SLCO4C1: variants seen among roughly 807,000 people sequenced by gnomAD.
The protein encoded by SLCO4C1 is organic anion transporter M1.
Under a neutral mutation model 72.1 loss-of-function variants are expected in SLCO4C1, and 58 were observed. The ratio of observed to expected loss-of-function variants is 0.80; its 90% CI spans 0.65 to 1.00. The LOEUF (loss-of-function observed/expected upper bound fraction) is 1.00. Among genes scored for constraint, SLCO4C1 ranks in the 50% least tolerant of loss-of-function variants. The pLI is 0.00. For synonymous variants in SLCO4C1, 297 were observed against 312.5 expected, an observed-to-expected ratio of 0.95 and a Z score of 0.52; for missense variants, 898 against 857.9, an observed-to-expected ratio of 1.05 and a Z score of -0.58.
chr5:102,258,646 A>G (rs114087496), intron 6 of SLCO4C1, among the ~76,000 whole-genome samples: 1,686 of 152,240 alleles, frequency 0.011, 16 homozygotes, highest in Non-Finnish European at 0.019. Flanking sequence ...AGAGGGTAGT[A>G]TGGAGGTTAA....
intron 5 of SLCO4C1, among the ~76,000 whole-genome samples, chr5:102,261,544 A>G (rs1748944319): frequency 6.6e-6 from 1 of 152,160 alleles, no homozygotes; most frequent in South Asian, 2.1e-4. Flanking sequence ...ACAAATAATT[A>G]ACATGAATGA....
At chr5:102,282,367 C>T (rs952018233) in intron 2 of SLCO4C1, among the ~76,000 whole-genome samples, 7 of 151,990 alleles carry the variant, frequency 4.6e-5, no homozygotes, top group African/African-American at 1.7e-4. Context: ...AAAAACAGTA[C>T]GACAATTCCG....
chr5:102,291,571 A>G lies in SLCO4C1; in HGVS notation c.391T>C (p.Ser131Pro). 6.2e-7 allele frequency: 1 copy of G among 1,613,718 alleles called. No homozygotes were observed. Among genetic ancestry groups the G allele is most frequent in the Non-Finnish European group, 8.5e-7 (1 of 1,179,870 alleles). Residue 131 changes from serine to proline, a missense_variant, in exon 2 of 13, where the codon TCC becomes CCC. Transcript: ENST00000310954. The part of the protein sequence containing the change: ...VVNGLVNISI[S>P]TVEKRYEMKS... ...ATTTCATAACGCTTCTCAACAGTGG[A>G]AATGCTAATATTTACTAGGCCATTA...
intron 2 of SLCO4C1, among the ~76,000 whole-genome samples, chr5:102,277,865 C>T (rs1389439087): frequency 6.6e-6 from 1 of 151,912 alleles, no homozygotes. Context: ...AAGAAATATA[C>T]TCAAAACACT....
At chr5:102,246,222 T>C (rs1168271276) in intron 10 of SLCO4C1, among the ~76,000 whole-genome samples, 2 of 151,598 alleles carry the variant, frequency 1.3e-5, no homozygotes, top group Admixed American at 1.3e-4. Flanking sequence ...ACAATACCAA[T>C]GATCAATGAA....
chr5:102,270,570 G>GTGAACAAATAA, intron 3 of SLCO4C1, 54 bp downstream of exon 3: 2 of 1,441,428 alleles, frequency 1.4e-6, no homozygotes, highest in Non-Finnish European at 1.8e-6. Context: ...TACTTCTAAA[G>GTGAACAAATAA]TGAACAAATA....
chr5:102,288,653 GCCTC>G (rs1287933761), intron 2 of SLCO4C1, among the ~76,000 whole-genome samples: 2 of 152,070 alleles, frequency 1.3e-5, no homozygotes, highest in African/African-American at 4.8e-5. Context: ...CTCCAAAACA[GCCTC>G]CCTTGCTTTG....
chr5:102,288,211 T>C (rs1749491801), intron 2 of SLCO4C1, among the ~76,000 whole-genome samples: 2 of 152,210 alleles, frequency 1.3e-5, no homozygotes, highest in Non-Finnish European at 2.9e-5. Flanking sequence ...ATTTTGGGGA[T>C]ATACACTGCA....
intron 2 of SLCO4C1, among the ~76,000 whole-genome samples, chr5:102,275,098 C>T (rs185442002): frequency 3.3e-5 from 5 of 151,164 alleles, no homozygotes; most frequent in African/African-American, 7.3e-5. Flanking sequence ...TAGTTCATCA[C>T]GAGATGAGGC....
At chr5:102,249,828 T>C in intron 8 of SLCO4C1, 40 bp from the exon 9 acceptor site, 1 of 1,590,252 alleles carries the variant, frequency 6.3e-7, no homozygotes, top group East Asian at 2.2e-5. Context: ...TGATCTGTCA[T>C]AACTTTTAAC....
Position 102,271,022 on chromosome 5 carries a change from C to T in SLCO4C1, c.620-216G>A, listed in dbSNP as rs188642160. Among the ~76,000 whole-genome samples the T allele has an allele frequency of 2.2e-3, 329 of 152,196 alleles. 1 individual carries two copies. Among genetic ancestry groups the T allele is most frequent in the Non-Finnish European group, 3.9e-3 (267 of 68,002 alleles). ...TGAAGGCCTATTCACTCCTATTCAC[C>T]TCTGTCACTTAGATGGGGGTAACCA... On this transcript the variant is annotated intron_variant, in intron 2 of 12. Transcript: ENST00000310954.
intron 2 of SLCO4C1, among the ~76,000 whole-genome samples, chr5:102,277,736 C>T (rs76396972): frequency 0.057 from 8,568 of 150,424 alleles, 359 homozygotes; most frequent in African/African-American, 0.12. Context: ...ATCAGAACAG[C>T]GTCAAGTAGT....
chr5:102,239,103 T>C (rs1399784635), intron 12 of SLCO4C1, 148 bp downstream of exon 12: 1 of 580,018 alleles, frequency 1.7e-6, no homozygotes, highest in Non-Finnish European at 2.7e-6. Context: ...CTGTGATAAA[T>C]GTTCTCTGCT....
intron 3 of SLCO4C1, among the ~76,000 whole-genome samples, chr5:102,268,388 G>A (rs1331410002): frequency 6.6e-6 from 1 of 151,902 alleles, no homozygotes; most frequent in African/African-American, 2.4e-5. Flanking sequence ...TTTTGACTTA[G>A]ACTATTTTGT....
At chr5:102,260,764 A>C (rs1031778501) in intron 5 of SLCO4C1, among the ~76,000 whole-genome samples, 1 of 152,056 alleles carries the variant, frequency 6.6e-6, no homozygotes, top group East Asian at 1.9e-4. Context: ...CTTAATCCTA[A>C]CATGCTTGAC....
intron 3 of SLCO4C1, 55 bp from the exon 4 acceptor site, chr5:102,263,835 T>C (rs552851630): frequency 2.3e-6 from 3 of 1,307,572 alleles, no homozygotes; most frequent in Admixed American, 2.0e-5. Flanking sequence ...TCACTTTGCA[T>C]ATCTAACAGT....
rs1561370954 is a variant in SLCO4C1, at chr5:102,258,093, G to A, written c.1129-6C>T. On this transcript the variant is annotated splice_region_variant and splice_polypyrimidine_tract_variant and intron_variant, in intron 6 of 12. Transcript: ENST00000310954. ...ACAGCATTCTTCATCAAATTCTAAA[G>A]AAAAAAATACAGTTCCTCAAATGAA... The A allele has an allele frequency of 4.6e-6, 7 of 1,532,146 alleles. No individual in the cohort carries two copies. Among genetic ancestry groups the A allele is most frequent in the Admixed American group, 4.6e-5 (2 of 43,726 alleles). The allele number at this position is 1,532,146 out of a possible 1,614,324, so 94.9% of individuals were successfully genotyped here.
At chr5:102,240,449 G>T (rs541876043) in intron 11 of SLCO4C1, among the ~76,000 whole-genome samples, 13 of 152,164 alleles carry the variant, frequency 8.5e-5, no homozygotes, top group African/African-American at 3.1e-4. Context: ...ATGTGTTGAT[G>T]ATCATATTTT....
chr5:102,287,703 C>T (rs1215185219), intron 2 of SLCO4C1, among the ~76,000 whole-genome samples: 1 of 151,790 alleles, frequency 6.6e-6, no homozygotes, highest in Non-Finnish European at 1.5e-5. Flanking sequence ...TGCCACCACA[C>T]ATGGCTAATT....
Sources: allele counts gnomAD v4.1 joint callset (sites outside exome capture counted in the v4.1 genomes callset), GRCh38; gene constraint gnomAD v4.1.1; transcripts MANE v1.5; gene names NCBI Gene and HGNC (gene_info 2026-07-23, HGNC 2026-07-21).